The following CELF1 variants were observed in gnomAD, a reference collection of about 807,000 sequenced individuals.
CELF1 encodes 50 kDa nuclear polyadenylated RNA-binding protein.
A neutral mutation model predicts 61.8 loss-of-function variants in CELF1; 10 were observed. The ratio of observed to expected loss-of-function variants is 0.16; its 90% confidence interval spans 0.10 to 0.27. The LOEUF (loss-of-function observed/expected upper bound fraction) is 0.27. Ranked by LOEUF, CELF1 falls within the 10% of genes least tolerant of loss-of-function variation. CELF1 has a pLI of 1.00. For synonymous variants in CELF1, 236 were observed against 225.1 expected (o/e 1.05, Z -0.43); for missense variants, 380 against 639.1 (o/e 0.59, Z 4.37).
intron 1 of CELF1, among the ~76,000 whole-genome samples, chr11:47,505,862 G>T (rs1462963452): frequency 6.7e-6 from 1 of 148,980 alleles, no homozygotes; most frequent in Non-Finnish European, 1.5e-5. Flanking sequence ...CTGAACCCAG[G>T]AGGCAGAGGC....
intron 1 of CELF1, among the ~76,000 whole-genome samples, chr11:47,502,833 A>G (rs1162366844): frequency 2.6e-5 from 4 of 152,040 alleles, no homozygotes; most frequent in Non-Finnish European, 4.4e-5. Flanking sequence ...CTCTGTCTCA[A>G]AAAAAAATCA....
chr11:47,521,734 T>C (rs1407432486), intron 1 of CELF1, among the ~76,000 whole-genome samples: 1 of 152,142 alleles, frequency 6.6e-6, no homozygotes, highest in South Asian at 2.1e-4. Flanking sequence ...AAAGAATGAG[T>C]CCCAAAAAAT....
intron 1 of CELF1, among the ~76,000 whole-genome samples, chr11:47,538,009 G>T (rs963608595): frequency 6.6e-6 from 1 of 151,524 alleles, no homozygotes; most frequent in Non-Finnish European, 1.5e-5. Context: ...AACCTCCTGG[G>T]CTCAAGGAGT....
intron 13 of CELF1, 34 bp downstream of exon 13, chr11:47,475,302 C>T (rs2153383963): frequency 6.2e-7 from 1 of 1,609,208 alleles, no homozygotes; most frequent in Non-Finnish European, 8.5e-7. Flanking sequence ...AAAACCGCCC[C>T]CCATACCTGA....
At position 47,466,355 on chromosome 11, in the gene CELF1, G is replaced by A. The variant is rs1485048137; in HGVS notation, c.*5875C>T. On this transcript the variant is annotated 3_prime_UTR_variant, in exon 15 of 15. Transcript: ENST00000687097. ...AAAAGCATTTCTACGGCTGAATCAC[G>A]ACTGAGTTGATTGAATCCCGTTGTT... is the stretch of plus-strand genomic sequence containing the variant. 2 of 152,208 alleles carry A rather than the reference G, an allele frequency of 1.3e-5. No homozygotes were observed. Among genetic ancestry groups the A allele is most frequent in the African/African-American group, 2.4e-5 (1 of 41,450 alleles). The allele number at this position is 152,208 out of a possible 1,614,324, so 9.4% of individuals were successfully genotyped here. A position where few individuals can be genotyped will look rare whatever the true frequency, so the allele number is the denominator to read the frequency against.
chr11:47,560,849 T>A (rs1409297643), intron 2 of CELF1, among the ~76,000 whole-genome samples: 1 of 152,252 alleles, frequency 6.6e-6, no homozygotes, highest in East Asian at 1.9e-4. Flanking sequence ...CATTTAAAAG[T>A]TTATTCTGGC....
rs2096782192 is a variant in CELF1, at chr11:47,541,697, AGAAAGAAAGAAAGAAAGAAAGAAAGAAAG to A, written c.-154+11266_-154+11294del. 3.2e-5 allele frequency among the ~76,000 whole-genome samples: 2 copies of A among 62,564 alleles called. 1 individual carries two copies. Among genetic ancestry groups the A allele is most frequent in the Non-Finnish European group, 6.2e-5 (2 of 32,300 alleles). 41.0% of individuals were successfully genotyped at this position (62,564 alleles called of 152,430 possible). On this transcript the variant is annotated intron_variant, in intron 1 of 14. Coordinates refer to ENST00000687097, the MANE Select transcript of CELF1 (RefSeq NM_001376376.1). ...CAGGGCGAGACTGTCAAAGAAAGAA[AGAAAGAAAGAAAGAAAGAAAGAAAGAAAG>A]AACGAAAGAAAGAACGAAAGAAAGA... is the stretch of plus-strand genomic sequence containing the variant.
intron 1 of CELF1, among the ~76,000 whole-genome samples, chr11:47,527,861 C>T (rs1359347511): frequency 3.9e-5 from 6 of 152,064 alleles, no homozygotes; most frequent in African/African-American, 7.2e-5. Flanking sequence ...TTTGGGAGGC[C>T]GAGGCAGGTG....
At chr11:47,541,625 G>C (rs1027842243) in intron 1 of CELF1, among the ~76,000 whole-genome samples, 2 of 150,620 alleles carry the variant, frequency 1.3e-5, no homozygotes, top group African/African-American at 4.9e-5. Context: ...AGGAGGCAGA[G>C]GTTGCAGCGA....
rs1164384884 is a variant in CELF1 at position 47,504,556 on chromosome 11, G to T, written c.-153-3624C>A. Among the ~76,000 whole-genome samples the T allele has an allele frequency of 2.6e-5, 4 of 151,956 alleles. 1 individual carries two copies. Among genetic ancestry groups the T allele is most frequent in the Non-Finnish European group, 5.9e-5 (4 of 68,002 alleles). ...ATCGCACCACTACACTCCAGCATGGGCAACAGCGTGAGACCCTGCCTTACA... is the reference window on the plus strand; with the variant it reads ...ATCGCACCACTACACTCCAGCATGGTCAACAGCGTGAGACCCTGCCTTACA... On this transcript the variant is annotated intron_variant, in intron 1 of 14. Transcript: ENST00000687097.
In CELF1 at chr11:47,487,247, A is replaced by G. The variant is rs1483308310; in HGVS notation, c.260-6T>C. 7.5e-6 allele frequency: 12 copies of G among 1,604,784 alleles called. No individual in the cohort carries two copies. In the East Asian group the frequency reaches 8.9e-5, roughly 12 times the overall value. On this transcript the variant is annotated splice_polypyrimidine_tract_variant and splice_region_variant and intron_variant, in intron 4 of 14. Coordinates refer to ENST00000687097, the MANE Select transcript of CELF1 (RefSeq NM_001376376.1). ...AAATGTAACAAAACAGCACCCTGCA[A>G]TAAATAAGATTTCATAAAATCAAAC...
At chr11:47,478,090 G>C (rs1435084577) in intron 10 of CELF1, among the ~76,000 whole-genome samples, 1 of 152,100 alleles carries the variant, frequency 6.6e-6, no homozygotes, top group African/African-American at 2.4e-5. Flanking sequence ...GTGAGGGGTG[G>C]GGGGAGTGGA....
chr11:47,541,701 AGAAAGAAAGAAAGAAAGAAAGAAAG>A (rs2096783351), intron 1 of CELF1, among the ~76,000 whole-genome samples: 2 of 22,670 alleles, frequency 8.8e-5, no homozygotes, highest in African/African-American at 2.9e-4. Flanking sequence ...AAAGAAAGAA[AGAAAGAAAGAAAGAAAGAAAGAAAG>A]AACGAAAGAA....
At chr11:47,546,996 G>A (rs1037754150) in intron 1 of CELF1, among the ~76,000 whole-genome samples, 1 of 141,776 alleles carries the variant, frequency 7.1e-6, no homozygotes, top group Non-Finnish European at 1.5e-5. Flanking sequence ...GAACCCGGGA[G>A]GCAGAGGTTG....
chr11:47,563,298 G>A (rs1233960410), intron 2 of CELF1, among the ~76,000 whole-genome samples: 2 of 152,200 alleles, frequency 1.3e-5, no homozygotes, highest in Non-Finnish European at 2.9e-5. Flanking sequence ...CAGAAAGCAG[G>A]TTAGTAGTGT....
At position 47,499,500 on chromosome 11, in the gene CELF1, GA is replaced by G; in HGVS notation, c.23del (p.Phe8SerfsTer5). ...AATGATCCACCATCATTTCTGGAAG[GA>G]AATCCAACTTAAACGCAGCCATCAC... MAAFKLD[F>X]LPEMMVDHCS... On this transcript the variant is annotated frameshift_variant, in exon 3 of 15. Transcript: ENST00000687097. LOFTEE classifies it high-confidence loss of function. The G allele has an allele frequency of 6.5e-7, 1 of 1,536,024 alleles. No homozygotes were observed.
intron 13 of CELF1, among the ~76,000 whole-genome samples, chr11:47,474,527 T>A (rs2079130475): frequency 6.6e-6 from 1 of 152,232 alleles, no homozygotes; most frequent in Non-Finnish European, 1.5e-5. Flanking sequence ...ATGCTTTCAT[T>A]TATTTATTGT....
At chr11:47,558,713 ATAT>A (rs542367889) in intron 2 of CELF1, among the ~76,000 whole-genome samples, 213 of 97,984 alleles carry the variant, frequency 2.2e-3, no homozygotes, top group South Asian at 7.5e-3. Flanking sequence ...ATAATATATA[ATAT>A]TATGACATAT....
chr11:47,519,735 C>T (rs1021112818), intron 1 of CELF1, among the ~76,000 whole-genome samples: 2 of 151,698 alleles, frequency 1.3e-5, no homozygotes, highest in South Asian at 4.1e-4. Context: ...TGGTCGTGGG[C>T]GCCTGTAGTC....
Sources: allele counts gnomAD v4.1 joint callset (sites outside exome capture counted in the v4.1 genomes callset), GRCh38; gene constraint gnomAD v4.1.1; transcripts MANE v1.5; gene names NCBI Gene and HGNC (gene_info 2026-07-23, HGNC 2026-07-21).